MDGA2: variants seen among roughly 807,000 people sequenced by gnomAD.
MDGA2 encodes MAM domain containing glycosylphosphatidylinositol anchor 2.
Under a neutral mutation model 117.8 loss-of-function variants are expected in MDGA2, and 40 were observed. The observed-to-expected ratio is 0.34, with a 90% CI of 0.26 to 0.44. MDGA2 has a LOEUF of 0.44. MDGA2 is among the 20% of genes least tolerant of loss of function. The probability of loss-of-function intolerance (pLI) is 1.00; values close to 1 mark genes in which losing one functional copy is unlikely to be tolerated. For missense variants in MDGA2, 1,123 were observed against 1,250.6 expected, an observed-to-expected ratio of 0.90 and a Z score of 1.54; for synonymous variants, 452 against 439.0, an observed-to-expected ratio of 1.03 and a Z score of -0.37.
At chr14:47,085,922 C>A (rs1489461685) in intron 6 of MDGA2, among the ~76,000 whole-genome samples, 1 of 152,002 alleles carries the variant, frequency 6.6e-6, no homozygotes, top group Admixed American at 6.6e-5. Context: ...GAAAGTAACA[C>A]TGATTTTACA....
intron 1 of MDGA2, among the ~76,000 whole-genome samples, chr14:47,430,989 T>G (rs1166379568): frequency 6.6e-6 from 1 of 152,064 alleles, no homozygotes; most frequent in Non-Finnish European, 1.5e-5. Context: ...GAAGAACTCA[T>G]CAGGCATTTG....
chr14:46,987,615 A>G (rs1322704353), intron 8 of MDGA2, among the ~76,000 whole-genome samples: 3 of 151,902 alleles, frequency 2.0e-5, no homozygotes, highest in African/African-American at 7.3e-5. Flanking sequence ...AAGGAGCAAC[A>G]CTCCTGTATC....
chr14:47,264,041 T>C (rs17574942), intron 2 of MDGA2, among the ~76,000 whole-genome samples: 14,872 of 152,142 alleles, frequency 0.098, 1,339 homozygotes, highest in Admixed American at 0.28. Context: ...CCCATTACCA[T>C]TTCTCGAACC....
chr14:47,336,602 C>A (rs1174281056), intron 1 of MDGA2, among the ~76,000 whole-genome samples: 4 of 151,842 alleles, frequency 2.6e-5, no homozygotes, highest in Non-Finnish European at 5.9e-5. Context: ...CTTTGAGTCA[C>A]TACATTAGAT....
chr14:47,012,351 T>A (rs1037405620), intron 8 of MDGA2, among the ~76,000 whole-genome samples: 1 of 152,178 alleles, frequency 6.6e-6, no homozygotes, highest in African/African-American at 2.4e-5. Context: ...CATTTTCCAC[T>A]GATTTATTAT....
At chr14:47,366,675 C>T (rs1891237364) in intron 1 of MDGA2, among the ~76,000 whole-genome samples, 1 of 151,798 alleles carries the variant, frequency 6.6e-6, no homozygotes, top group Non-Finnish European at 1.5e-5. Flanking sequence ...TAAATTTTGT[C>T]TTCTGGCTCT....
At chr14:47,589,857 G>C (rs1274880561) in intron 1 of MDGA2, among the ~76,000 whole-genome samples, 1 of 151,812 alleles carries the variant, frequency 6.6e-6, no homozygotes, top group South Asian at 2.1e-4. Flanking sequence ...ATATTTTGTA[G>C]TTTTCAGTGT....
chr14:47,385,538 G>C (rs1282293386), intron 1 of MDGA2, among the ~76,000 whole-genome samples: 1 of 152,066 alleles, frequency 6.6e-6, no homozygotes, highest in African/African-American at 2.4e-5. Flanking sequence ...TTATTCAAGA[G>C]AAGAACACTG....
At chr14:46,905,587 T>A (rs1372416654) in intron 10 of MDGA2, among the ~76,000 whole-genome samples, 4 of 152,118 alleles carry the variant, frequency 2.6e-5, no homozygotes, top group Non-Finnish European at 5.9e-5. Flanking sequence ...ATCTTAAAAT[T>A]TATCAAGTTA....
intron 9 of MDGA2, among the ~76,000 whole-genome samples, chr14:46,951,998 G>A (rs1007877536): frequency 6.6e-6 from 1 of 151,778 alleles, no homozygotes; most frequent in Non-Finnish European, 1.5e-5. Flanking sequence ...ATTATTCTGA[G>A]ACTAAATGTC....
At chr14:47,555,146 T>C (rs1432800921) in intron 1 of MDGA2, among the ~76,000 whole-genome samples, 3 of 152,178 alleles carry the variant, frequency 2.0e-5, no homozygotes. Flanking sequence ...TACCAATGCT[T>C]TCTCTGGCTT....
chr14:47,504,763 A>C (rs1464304910), intron 1 of MDGA2, among the ~76,000 whole-genome samples: 1 of 152,222 alleles, frequency 6.6e-6, no homozygotes, highest in African/African-American at 2.4e-5. Context: ...AAACTAGTAC[A>C]GCCATTATGG....
chr14:46,896,327 A>G (rs1883075718), intron 10 of MDGA2, among the ~76,000 whole-genome samples: 1 of 152,162 alleles, frequency 6.6e-6, no homozygotes, highest in Non-Finnish European at 1.5e-5. Flanking sequence ...AAAACAGGCA[A>G]TGCTTCTTGT....
At chr14:47,463,653 G>A (rs1893538284) in intron 1 of MDGA2, among the ~76,000 whole-genome samples, 1 of 152,130 alleles carries the variant, frequency 6.6e-6, no homozygotes, top group African/African-American at 2.4e-5. Context: ...CTGGATGTAA[G>A]AGTTCTTAAT....
intron 1 of MDGA2, among the ~76,000 whole-genome samples, chr14:47,341,763 A>C (rs1890630016): frequency 6.6e-6 from 1 of 152,184 alleles, no homozygotes; most frequent in Non-Finnish European, 1.5e-5. Context: ...TTTGCAAAAG[A>C]CAGAGGGCTG....
chr14:47,666,835 TCACTC>T (rs1309456538), intron 1 of MDGA2, among the ~76,000 whole-genome samples: 1 of 152,068 alleles, frequency 6.6e-6, no homozygotes, highest in African/African-American at 2.4e-5. Flanking sequence ...CTACACAGCT[TCACTC>T]CTGAAGCCAG....
At chr14:47,450,279 C>T (rs533637750) in intron 1 of MDGA2, among the ~76,000 whole-genome samples, 80 of 152,016 alleles carry the variant, frequency 5.3e-4, no homozygotes, top group African/African-American at 1.9e-3. Flanking sequence ...TGTCACTTTT[C>T]TCTCTTTATT....
intron 4 of MDGA2, among the ~76,000 whole-genome samples, chr14:47,133,829 C>A (rs112582093): frequency 1.3e-4 from 19 of 151,988 alleles, no homozygotes; most frequent in African/African-American, 4.6e-4. Flanking sequence ...TTGATCTTTA[C>A]TCATGTTCAA....
chr14:46,935,838 C>T (rs541481286), intron 9 of MDGA2, among the ~76,000 whole-genome samples: 2 of 152,202 alleles, frequency 1.3e-5, no homozygotes, highest in Non-Finnish European at 2.9e-5. Context: ...TTTGGGTTGA[C>T]ATGGAGAGTT....
Sources: allele counts gnomAD v4.1 joint callset (sites outside exome capture counted in the v4.1 genomes callset), GRCh38; gene constraint gnomAD v4.1.1; transcripts MANE v1.5; gene names NCBI Gene and HGNC (gene_info 2026-07-23, HGNC 2026-07-21).